Variants in KCNK4 observed in about 807,000 individuals in gnomAD.
KCNK4 encodes potassium channel subfamily K member 4.
A neutral mutation model predicts 28.8 loss-of-function variants in KCNK4; 22 were observed. The ratio of observed to expected loss-of-function variants is 0.76; its 90% CI spans 0.55 to 1.09. The LOEUF is 1.09. Among genes scored for constraint, KCNK4 ranks in the 50% least tolerant of loss-of-function variants. KCNK4 has a pLI of 0.00. For synonymous variants in KCNK4, 263 were observed against 252.9 expected, an observed-to-expected ratio of 1.04 and a Z score of -0.38; for missense variants, 483 against 546.3, an observed-to-expected ratio of 0.88 and a Z score of 1.15.
At chr11:64,292,146 C>T in intron 1 of KCNK4, 13 of 966,136 alleles carry the variant, frequency 1.3e-5, no homozygotes, top group African/African-American at 1.8e-5. Context: ...GGCGGCGCGG[C>T]GCTGCAGCCT....
chr11:64,299,434 C>A lies in KCNK4; in HGVS notation c.890C>A (p.Pro297Gln). ...TQRAGPAAPPPEKEQPLLPPP... is the reference protein window; with the variant it reads ...TQRAGPAAPPQEKEQPLLPPP... ...CGAGCCGGGCCCGCCGCCCCGCCGCCGGAGAAGGAGCAGCCACTGCTGCCT... is the reference window on the plus strand; with the variant it reads ...CGAGCCGGGCCCGCCGCCCCGCCGCAGGAGAAGGAGCAGCCACTGCTGCCT... Residue 297 changes from proline to glutamine, a missense_variant, in exon 7 of 7, where the codon CCG becomes CAG. Pro to Gln is a moderately conservative substitution (Grantham distance 76). Transcript: ENST00000422670. 1 of 1,591,776 alleles carries A rather than the reference C, an allele frequency of 6.3e-7. No homozygotes were observed.
Position 64,299,944 on chromosome 11 carries a change from A to ATCCC in KCNK4, c.*221_*224dup. ...CTGTGTCGCTGCCCCGGGCGGGTGT[A>ATCCC]TCCCTCACAGCACCTCACGACTGTG... On this transcript the variant is annotated 3_prime_UTR_variant, in exon 7 of 7. Transcript: ENST00000422670. 1.2e-6 allele frequency: 1 copy of ATCCC among 806,984 alleles called. No individual in the cohort carries two copies. The highest frequency in any genetic ancestry group is 1.9e-6 in the Non-Finnish European group (1 of 514,106). The allele number at this position is 806,984 out of a possible 1,614,324, so 50.0% of individuals were successfully genotyped here.
chr11:64,294,811 C>T (rs937290512), intron 2 of KCNK4, among the ~76,000 whole-genome samples: 4 of 150,584 alleles, frequency 2.7e-5, no homozygotes, highest in African/African-American at 9.8e-5. Flanking sequence ...ACAGACCACC[C>T]GACAGCATCT....
chr11:64,293,475 A>AAATGAATG (rs34033338), intron 2 of KCNK4, among the ~76,000 whole-genome samples: 12 of 151,142 alleles, frequency 7.9e-5, no homozygotes, highest in South Asian at 4.2e-4. Flanking sequence ...GATGAGGGGG[A>AAATGAATG]AATGAATGAA....
intron 2 of KCNK4, among the ~76,000 whole-genome samples, chr11:64,295,700 G>A (rs1319193873): frequency 6.6e-6 from 1 of 150,514 alleles, no homozygotes; most frequent in East Asian, 1.9e-4. Context: ...GGGAAGGGGG[G>A]TGGGGACCAG....
rs2034792456 is a variant in KCNK4 at position 64,297,217 on chromosome 11, G to T, written c.412G>T (p.Val138Phe). 6.2e-7 allele frequency: 1 copy of T among 1,614,130 alleles called. No individual in the cohort carries two copies. Among genetic ancestry groups the T allele is most frequent in the Non-Finnish European group, 8.5e-7 (1 of 1,180,026 alleles). The change falls in exon 4 of 7, where the codon GTC (valine) becomes TTC (phenylalanine). Residue 138 changes from valine to phenylalanine, a missense_variant. Physicochemically the swap from Val to Phe is conservative, Grantham distance 50. Transcript: ENST00000422670. ...GCTGTTTGGGATCCTACTGGCAGGG[G>T]TCGGGGACCGGCTGGGCTCCTCCCT... ...IPLFGILLAG[V>F]GDRLGSSLRH...
At chr11:64,298,388 C>A in intron 6 of KCNK4, 139 bp downstream of exon 6, 1 of 1,026,778 alleles carries the variant, frequency 9.7e-7, no homozygotes, top group Non-Finnish European at 1.4e-6. Context: ...TGTGTGTGCC[C>A]CGCAGGGAAC....
rs2034787812 is a variant in KCNK4 at position 64,297,113 on chromosome 11, G to A, written c.314-6G>A. ...CCTAGACTTCCTGCATCGCCCCTCT[G>A]CCCAGGCTATGGCAATGTGGCCCTG... On this transcript the variant is annotated splice_region_variant and splice_polypyrimidine_tract_variant and intron_variant, in intron 3 of 6. Coordinates refer to ENST00000422670, the MANE Select transcript of KCNK4 (RefSeq NM_033310.3). The A allele has an allele frequency of 6.2e-7, 1 of 1,614,002 alleles. No homozygotes were observed. Among genetic ancestry groups the A allele is most frequent in the Non-Finnish European group, 8.5e-7 (1 of 1,180,034 alleles).
intron 2 of KCNK4, among the ~76,000 whole-genome samples, chr11:64,294,025 A>T (rs796790137): frequency 3.3e-5 from 5 of 152,286 alleles, no homozygotes; most frequent in African/African-American, 1.2e-4. Context: ...GCCCAAGAAC[A>T]TGGTGAACAC....
chr11:64,298,824 C>T (rs927521580), intron 6 of KCNK4, among the ~76,000 whole-genome samples: 1 of 151,708 alleles, frequency 6.6e-6, no homozygotes, highest in African/African-American at 2.4e-5. Flanking sequence ...GGGTGGATCA[C>T]GAGGTCAGGA....
rs145487329 is a variant in KCNK4 at position 64,297,801 on chromosome 11, A to G, written c.661+148A>G. The G allele has an allele frequency of 2.6e-3, 2,116 of 824,540 alleles. 28 individuals are homozygous for G. Among genetic ancestry groups the G allele is most frequent in the East Asian group, 0.025 (945 of 37,534 alleles). 51.1% of individuals were successfully genotyped at this position (824,540 alleles called of 1,614,324 possible). On this transcript the variant is annotated intron_variant, in intron 5 of 6. Coordinates refer to ENST00000422670, the MANE Select transcript of KCNK4 (RefSeq NM_033310.3). ...TGCACCATCACAGCCTTGCACACAC[A>G]CCAGCGCCTTATGCACACTCACATT...
In KCNK4 at chr11:64,299,670, A is replaced by C. The variant is rs1591232390; in HGVS notation, c.1126A>C (p.Lys376Gln). 1 of 1,604,672 alleles carries C rather than the reference A, an allele frequency of 6.2e-7. No homozygotes were observed. The highest frequency in any genetic ancestry group is 8.5e-7 in the Non-Finnish European group (1 of 1,176,686). Reference protein sequence around the residue: ...RGRRRPNPPRKPVRPRGPGRP... With the variant: ...RGRRRPNPPRQPVRPRGPGRP... Reference sequence around the variant, plus strand: ...TCGCCGCCGCCCAAATCCCCCCAGGAAGCCCGTGCGGCCCCGCGGCCCCGG... The same window carrying C: ...TCGCCGCCGCCCAAATCCCCCCAGGCAGCCCGTGCGGCCCCGCGGCCCCGG... The change falls in exon 7 of 7, where the codon AAG becomes CAG. Residue 376 changes from lysine (K) to glutamine (Q), a missense_variant. Coordinates refer to ENST00000422670, the MANE Select transcript of KCNK4 (RefSeq NM_033310.3).
At chr11:64,293,233 C>T (rs1381709547) in intron 2 of KCNK4, 26 bp downstream of exon 2, 6 of 1,423,328 alleles carry the variant, frequency 4.2e-6, no homozygotes, top group Non-Finnish European at 5.5e-6. Flanking sequence ...GCAGCCCCTT[C>T]AGCTGTCACC....
At chr11:64,296,833 A>C in intron 2 of KCNK4, 45 bp from the exon 3 acceptor site, 6 of 1,495,094 alleles carry the variant, frequency 4.0e-6, no homozygotes, top group Non-Finnish European at 5.3e-6. Context: ...TGCCCTAGAC[A>C]GGAGGGAAGA....
chr11:64,293,246 T>A (rs2034685084), intron 2 of KCNK4, 39 bp downstream of exon 2: 1 of 1,416,102 alleles, frequency 7.1e-7, no homozygotes, highest in Non-Finnish European at 9.3e-7. Context: ...CTGTCACCCA[T>A]CACCCCTGGC....
intron 1 of KCNK4, chr11:64,292,717 C>G (rs2034663209): frequency 6.3e-6 from 2 of 318,890 alleles, no homozygotes; most frequent in Non-Finnish European, 1.1e-5. Flanking sequence ...CGGTGCCCTC[C>G]TCTCTTTCCT....
chr11:64,292,136 G>GGCGGC (rs1490769152), intron 1 of KCNK4: 16 of 982,338 alleles, frequency 1.6e-5, no homozygotes, highest in Non-Finnish European at 1.9e-5. Flanking sequence ...CGTGCAGCGG[G>GGCGGC]GCGGCGCGGC....
chr11:64,297,418 T>C, intron 4 of KCNK4, 49 bp from the exon 5 acceptor site: 1 of 1,602,180 alleles, frequency 6.2e-7, no homozygotes, highest in South Asian at 1.1e-5. Context: ...AGTATGGGAG[T>C]GGGGATTGTT....
intron 1 of KCNK4, chr11:64,291,966 G>A: frequency 9.6e-7 from 1 of 1,046,438 alleles, no homozygotes; most frequent in Non-Finnish European, 1.2e-6. Context: ...GGAGGCGGTG[G>A]GAGCGAGCTG....
Sources: gnomAD v4.1 joint callset for allele counts (sites outside exome capture counted in the v4.1 genomes callset) on GRCh38, gnomAD v4.1.1 for gene constraint, MANE v1.5 for transcripts, NCBI Gene and HGNC (gene_info 2026-07-23, HGNC 2026-07-21) for gene names.